SLC2A13: variants seen among roughly 807,000 people sequenced by gnomAD.
SLC2A13 encodes the protein proton myo-inositol cotransporter.
In SLC2A13, 32 loss-of-function variants were observed where a neutral mutation model predicts 64.4. That is an observed-to-expected ratio of 0.50 (90% CI 0.37 to 0.67). The LOEUF (loss-of-function observed/expected upper bound fraction) is 0.67. Ranked by LOEUF, SLC2A13 falls within the 30% of genes least tolerant of loss-of-function variation. The pLI, the probability that SLC2A13 is intolerant of heterozygous loss-of-function variation, is 0.00. For missense variants in SLC2A13, 743 were observed against 829.2 expected, an observed-to-expected ratio of 0.90 and a Z score of 1.28; for synonymous variants, 338 against 327.1, an observed-to-expected ratio of 1.03 and a Z score of -0.36.
At chr12:40,036,012 CT>C (rs891597982) in intron 2 of SLC2A13, among the ~76,000 whole-genome samples, 20 of 152,208 alleles carry the variant, frequency 1.3e-4, no homozygotes, top group Non-Finnish European at 2.2e-4. Context: ...TACACATATC[CT>C]TTTTTCCCCC....
intron 4 of SLC2A13, among the ~76,000 whole-genome samples, chr12:39,946,090 CT>C (rs752499974): frequency 4.6e-5 from 7 of 152,190 alleles, no homozygotes; most frequent in Non-Finnish European, 1.0e-4. Flanking sequence ...ATGGATGTGG[CT>C]TCCTATGAGC....
rs113048536 is a variant in SLC2A13 at position 39,888,445 on chromosome 12, G to A, written c.1035-16484C>T. 3.9e-5 allele frequency among the ~76,000 whole-genome samples: 6 copies of A among 152,230 alleles called. 1 individual carries two copies. The highest frequency in any genetic ancestry group is 1.2e-4 in the African/African-American group (5 of 41,558). On this transcript the variant is annotated intron_variant, in intron 4 of 9. Transcript: ENST00000280871. The stretch of plus-strand genomic sequence containing the variant: ...TCACCATATTGGTCAGGCTGAACTC[G>A]AACTGCTGACCTCAGGTAATCCACC...
intron 3 of SLC2A13, among the ~76,000 whole-genome samples, chr12:39,962,010 G>T (rs1056839694): frequency 1.6e-4 from 25 of 152,282 alleles, no homozygotes; most frequent in African/African-American, 5.8e-4. Flanking sequence ...AATTAAAAAA[G>T]CAATGAATTT....
chr12:39,851,851 G>T (rs940488012), intron 6 of SLC2A13, among the ~76,000 whole-genome samples: 2 of 152,108 alleles, frequency 1.3e-5, no homozygotes, highest in African/African-American at 4.8e-5. Context: ...CCTGTGTCAA[G>T]AATTTTTAAA....
At chr12:39,960,675 G>A (rs1202080494) in intron 3 of SLC2A13, among the ~76,000 whole-genome samples, 2 of 151,564 alleles carry the variant, frequency 1.3e-5, no homozygotes, top group South Asian at 2.1e-4. Context: ...CACCGCGCCC[G>A]GCCTAATATT....
Position 40,105,706 on chromosome 12 carries a change from C to T in SLC2A13, c.103G>A (p.Ala35Thr). ...GCCAGGAGGCTGCACTCCCCGGCCGCGCTCGCCGCGTCCGGCTCCGGCTGC... is the reference window on the plus strand; with the variant it reads ...GCCAGGAGGCTGCACTCCCCGGCCGTGCTCGCCGCGTCCGGCTCCGGCTGC... ...RKQPEPDAAS[A>T]AGECSLLAAA... The change falls in exon 1 of 10, where the codon GCG becomes ACG. Residue 35 changes from alanine to threonine, a missense_variant. Ala to Thr is a moderately conservative substitution (Grantham distance 58). This residue lies in a region of SLC2A13 where 448 missense variants were observed against 447.4 expected (regional missense o/e 1.00). Transcript: ENST00000280871. This position sits in a 1 kb window ranked among gnomAD's most constrained non-coding sequence, Gnocchi z 4.2. The T allele has an allele frequency of 6.8e-7, 1 of 1,480,660 alleles. No individual in the cohort carries two copies. The highest frequency in any genetic ancestry group is 9.0e-7 in the Non-Finnish European group (1 of 1,115,954). The allele number at this position is 1,480,660 out of a possible 1,614,324, so 91.7% of individuals were successfully genotyped here.
At chr12:40,033,811 A>G (rs1014575028) in intron 2 of SLC2A13, among the ~76,000 whole-genome samples, 1 of 152,246 alleles carries the variant, frequency 6.6e-6, no homozygotes, top group Non-Finnish European at 1.5e-5. Context: ...GCAAGATTTT[A>G]AAGGATTTGA....
Position 39,755,286 on chromosome 12 carries a change from T to C in SLC2A13, c.*4740A>G, listed in dbSNP as rs1939946053. 1 of 152,082 alleles carries C rather than the reference T, an allele frequency of 6.6e-6. No homozygotes were observed. The highest frequency in any genetic ancestry group is 1.5e-5 in the Non-Finnish European group (1 of 67,868). The allele number at this position is 152,082 out of a possible 1,614,324, so 9.4% of individuals were successfully genotyped here. A position where few individuals can be genotyped will look rare whatever the true frequency, so the allele number is the denominator to read the frequency against. ...CCCATATATCGCTTGTGGGAATAAA[T>C]ACTTATATTGAATTTGCCAAGACAT... On this transcript the variant is annotated 3_prime_UTR_variant, in exon 10 of 10. Transcript: ENST00000280871.
intron 7 of SLC2A13, among the ~76,000 whole-genome samples, chr12:39,774,822 C>T (rs1322160083): frequency 3.9e-5 from 6 of 152,016 alleles, no homozygotes; most frequent in Admixed American, 3.3e-4. Context: ...AACTCCTTAT[C>T]GGTATATTGA....
intron 7 of SLC2A13, among the ~76,000 whole-genome samples, chr12:39,812,009 A>ACTT (rs1942177585): frequency 6.6e-6 from 1 of 152,186 alleles, no homozygotes; most frequent in Non-Finnish European, 1.5e-5. Flanking sequence ...AAAAGAAACA[A>ACTT]CTTTGTTACT....
intron 3 of SLC2A13, among the ~76,000 whole-genome samples, chr12:40,001,316 A>G (rs1565584397): frequency 6.6e-6 from 1 of 152,236 alleles, no homozygotes; most frequent in Non-Finnish European, 1.5e-5. Context: ...GTGAGCTATA[A>G]AAAAGACATT....
chr12:39,886,733 T>A (rs1170133091), intron 4 of SLC2A13, among the ~76,000 whole-genome samples: 1 of 152,184 alleles, frequency 6.6e-6, no homozygotes, highest in East Asian at 1.9e-4. Flanking sequence ...AGCTACTTCA[T>A]AAGAAAATAC....
At chr12:39,780,588 G>T (rs945628985) in intron 7 of SLC2A13, among the ~76,000 whole-genome samples, 3 of 152,140 alleles carry the variant, frequency 2.0e-5, no homozygotes, top group African/African-American at 7.2e-5. Flanking sequence ...GGCCCCAAAA[G>T]CTCAAAACAA....
chr12:39,785,059 G>T (rs1478947989), intron 7 of SLC2A13, among the ~76,000 whole-genome samples: 1 of 152,166 alleles, frequency 6.6e-6, no homozygotes, highest in Non-Finnish European at 1.5e-5. Flanking sequence ...CCATTTTCTG[G>T]GGAGAAATTC....
chr12:40,038,738 A>G (rs1948031533), intron 2 of SLC2A13, among the ~76,000 whole-genome samples: 1 of 146,360 alleles, frequency 6.8e-6, no homozygotes, highest in Non-Finnish European at 1.5e-5. Flanking sequence ...CTCAAAAAAA[A>G]AAAAAAGAAA....
intron 7 of SLC2A13, among the ~76,000 whole-genome samples, chr12:39,808,622 C>T (rs1465107587): frequency 6.6e-6 from 1 of 152,128 alleles, no homozygotes; most frequent in Non-Finnish European, 1.5e-5. Flanking sequence ...TTTAGCTATT[C>T]TAGTTGGTGT....
chr12:39,924,630 G>A (rs987220288), intron 4 of SLC2A13, among the ~76,000 whole-genome samples: 1 of 151,902 alleles, frequency 6.6e-6, no homozygotes, highest in African/African-American at 2.4e-5. Context: ...TGTATCGTTA[G>A]TATAGAAGTA....
Position 39,999,648 on chromosome 12 carries a change from T to C in SLC2A13, c.925+28653A>G, listed in dbSNP as rs111979742. 2.9e-3 allele frequency among the ~76,000 whole-genome samples: 437 copies of C among 152,314 alleles called. 3 individuals are homozygous for C. Among genetic ancestry groups the C allele is most frequent in the African/African-American group, 9.4e-3 (391 of 41,574 alleles). On this transcript the variant is annotated intron_variant, in intron 3 of 9. Transcript: ENST00000280871. ...AAGACAATACGTGCACCGCTGAACA[T>C]AGACCATTATCAGTAATTCTGCTTT... is the stretch of plus-strand genomic sequence containing the variant.
At chr12:39,902,247 G>A (rs922581629) in intron 4 of SLC2A13, among the ~76,000 whole-genome samples, 2 of 150,048 alleles carry the variant, frequency 1.3e-5, no homozygotes, top group African/African-American at 2.5e-5. Context: ...GCTAAATGAC[G>A]AATTAATGGG....
Sources: gnomAD v4.1 joint callset for allele counts (sites outside exome capture counted in the v4.1 genomes callset) on GRCh38, gnomAD v4.1.1 for gene constraint, gnomAD v4.1.1 regional missense constraint, Gnocchi (gnomAD v3.1) non-coding constraint, MANE v1.5 for transcripts, NCBI Gene and HGNC (gene_info 2026-07-23, HGNC 2026-07-21) for gene names.